NCOA7: variants seen among roughly 807,000 people sequenced by gnomAD.
The protein encoded by NCOA7 is nuclear receptor coactivator 7.
In NCOA7, 45 loss-of-function variants were observed where a neutral mutation model predicts 104.3. The observed-to-expected ratio is 0.43, with a 90% CI of 0.34 to 0.55. The LOEUF is 0.55. Ranked by LOEUF, NCOA7 falls within the 20% of genes least tolerant of loss-of-function variation. The pLI is 0.02. For synonymous variants in NCOA7, 398 were observed against 402.3 expected, an observed-to-expected ratio of 0.99 and a Z score of 0.13; for missense variants, 1,041 against 1,119.7, an observed-to-expected ratio of 0.93 and a Z score of 1.00.
Position 125,931,022 on chromosome 6 carries a change from A to T in NCOA7, c.*2251A>T, listed in dbSNP as rs755466392. 1.3e-5 allele frequency: 2 copies of T among 152,670 alleles called. No homozygotes were observed. Among genetic ancestry groups the T allele is most frequent in the Non-Finnish European group, 2.9e-5 (2 of 68,032 alleles). The allele number at this position is 152,670 out of a possible 1,614,324, so 9.5% of individuals were successfully genotyped here. A position where few individuals can be genotyped will look rare whatever the true frequency, so the allele number is the denominator to read the frequency against. ...ATGTAAAACAGTATTGTCCATTCAGAAATGTGTGACCCTTCATTTATGGAT... is the reference window on the plus strand; with the variant it reads ...ATGTAAAACAGTATTGTCCATTCAGTAATGTGTGACCCTTCATTTATGGAT... On this transcript the variant is annotated 3_prime_UTR_variant, in exon 16 of 16. Coordinates refer to ENST00000392477, the MANE Select transcript of NCOA7 (RefSeq NM_181782.5).
At chr6:125,845,392 TTTG>T (rs1472119251) in intron 2 of NCOA7, among the ~76,000 whole-genome samples, 2 of 152,188 alleles carry the variant, frequency 1.3e-5, no homozygotes, top group East Asian at 3.8e-4. Flanking sequence ...GATATTTAAT[TTTG>T]TTGTTGTTTG....
chr6:125,824,997 T>G (rs1778543275), intron 2 of NCOA7, among the ~76,000 whole-genome samples: 1 of 152,036 alleles, frequency 6.6e-6, no homozygotes, highest in African/African-American at 2.4e-5. Context: ...GATCAAGCCA[T>G]TGTACTCCAG....
chr6:125,928,860 C>G lies in NCOA7; in HGVS notation c.*89C>G, dbSNP rs963109281. 7.2e-7 allele frequency: 1 copy of G among 1,385,788 alleles called. No homozygotes were observed. The highest frequency in any genetic ancestry group is 9.8e-7 in the Non-Finnish European group (1 of 1,025,310). The allele number at this position is 1,385,788 out of a possible 1,614,324, so 85.8% of individuals were successfully genotyped here. On this transcript the variant is annotated 3_prime_UTR_variant, in exon 16 of 16. Coordinates refer to ENST00000392477, the MANE Select transcript of NCOA7 (RefSeq NM_181782.5). ...GCTGGAAAAAGAAGCCCCAGCCCAGCCTGCCTCATCCCACCCCAATGCTTC... is the reference window on the plus strand; with the variant it reads ...GCTGGAAAAAGAAGCCCCAGCCCAGGCTGCCTCATCCCACCCCAATGCTTC...
At chr6:125,856,436 T>G (rs982396167) in intron 3 of NCOA7, among the ~76,000 whole-genome samples, 1 of 152,112 alleles carries the variant, frequency 6.6e-6, no homozygotes, top group Non-Finnish European at 1.5e-5. Context: ...CACTGTAAGC[T>G]CTGCCTCCCG....
Position 125,925,675 on chromosome 6 carries a change from T to TA in NCOA7, c.2524-1987dup, listed in dbSNP as rs1787960687. On this transcript the variant is annotated intron_variant, in intron 13 of 15. Coordinates refer to ENST00000392477, the MANE Select transcript of NCOA7 (RefSeq NM_181782.5). ...CAATAGATTGTTATGATTACTATGT[T>TA]ACATAATTTTATGTCTGCTAAGGAA... Among the ~76,000 whole-genome samples, 3 of 152,220 alleles carry TA rather than the reference T, an allele frequency of 2.0e-5. No homozygotes were observed. The South Asian group carries it at 6.2e-4, about 32-fold the overall frequency.
intron 2 of NCOA7, among the ~76,000 whole-genome samples, chr6:125,840,393 C>G (rs1032125181): frequency 6.6e-6 from 1 of 151,928 alleles, no homozygotes; most frequent in South Asian, 2.1e-4. Context: ...TTAGTGCAGC[C>G]TAAGTATACA....
At chr6:125,839,591 G>A (rs1779945814) in intron 2 of NCOA7, among the ~76,000 whole-genome samples, 1 of 152,078 alleles carries the variant, frequency 6.6e-6, no homozygotes, top group Non-Finnish European at 1.5e-5. Flanking sequence ...GTCATCTCAT[G>A]AGAATACAAA....
intron 1 of NCOA7, chr6:125,796,817 G>C (rs549485575): frequency 7.9e-5 from 12 of 152,202 alleles, no homozygotes; most frequent in African/African-American, 2.9e-4. Flanking sequence ...ACCAAGCCTG[G>C]CTAATTTTTG....
intron 15 of NCOA7, 69 bp downstream of exon 15, chr6:125,928,316 C>T: frequency 7.2e-7 from 1 of 1,397,376 alleles, no homozygotes; most frequent in Non-Finnish European, 9.9e-7. Flanking sequence ...TCTGTTTTGA[C>T]CTACGTAGTT....
chr6:125,879,474 G>A lies in NCOA7; in HGVS notation c.459+1104G>A, dbSNP rs1783642515. Among the ~76,000 whole-genome samples the A allele has an allele frequency of 4.6e-5, 7 of 152,118 alleles. No homozygotes were observed. The South Asian group carries it at 1.5e-3, about 32-fold the overall frequency. ...TTAATGAGTGGTTACCAGTTTTGGT[G>A]CATATATTTTTAGTAGTTATCAGTC... On this transcript the variant is annotated intron_variant, in intron 5 of 15. Coordinates refer to ENST00000392477, the MANE Select transcript of NCOA7 (RefSeq NM_181782.5).
chr6:125,898,099 T>G (rs1215284283), intron 10 of NCOA7, among the ~76,000 whole-genome samples: 6 of 152,214 alleles, frequency 3.9e-5, no homozygotes, highest in Non-Finnish European at 7.3e-5. Context: ...ATAGTCAGGA[T>G]TTTTCAACTC....
At chr6:125,823,537 A>T (rs957326303) in intron 2 of NCOA7, among the ~76,000 whole-genome samples, 5 of 152,192 alleles carry the variant, frequency 3.3e-5, no homozygotes, top group South Asian at 4.1e-4. Flanking sequence ...TTGAGTTCAG[A>T]CCAGGCAACT....
chr6:125,928,314 G>T (rs1788217069), intron 15 of NCOA7, 67 bp downstream of exon 15: 1 of 1,399,000 alleles, frequency 7.1e-7, no homozygotes, highest in South Asian at 1.3e-5. Flanking sequence ...GGTCTGTTTT[G>T]ACCTACGTAG....
intron 1 of NCOA7, among the ~76,000 whole-genome samples, chr6:125,806,238 G>C (rs902806524): frequency 2.6e-5 from 4 of 152,174 alleles, no homozygotes; most frequent in Non-Finnish European, 5.9e-5. Flanking sequence ...CTACTTGGGA[G>C]GCTGAGGCAG....
At position 125,875,011 on chromosome 6, in the gene NCOA7, A is replaced by T. The variant is rs112707741; in HGVS notation, c.351+43A>T. 7.4e-4 allele frequency: 1,037 copies of T among 1,401,020 alleles called. 6 individuals carry two copies. The African/African-American group carries it at 0.013, about 17-fold the overall frequency. The allele number at this position is 1,401,020 out of a possible 1,614,324, so 86.8% of individuals were successfully genotyped here. On this transcript the variant is annotated intron_variant, in intron 4 of 15. Coordinates refer to ENST00000392477, the MANE Select transcript of NCOA7 (RefSeq NM_181782.5). ...GGTATAAATGTTTGTTAATAGCACT[A>T]CATTTATATAATGGTTTTCCCTGAC...
At chr6:125,879,484 T>C (rs1474119110) in intron 5 of NCOA7, among the ~76,000 whole-genome samples, 2 of 152,214 alleles carry the variant, frequency 1.3e-5, no homozygotes, top group Non-Finnish European at 2.9e-5. Flanking sequence ...GCATATATTT[T>C]TAGTAGTTAT....
In NCOA7 at chr6:125,931,906, C is replaced by T. The variant is rs1788481420; in HGVS notation, c.*3135C>T. 1 of 152,090 alleles carries T rather than the reference C, an allele frequency of 6.6e-6. No individual in the cohort carries two copies. The allele number at this position is 152,090 out of a possible 1,614,324, so 9.4% of individuals were successfully genotyped here. On this transcript the variant is annotated 3_prime_UTR_variant, in exon 16 of 16. Coordinates refer to ENST00000392477, the MANE Select transcript of NCOA7 (RefSeq NM_181782.5). Reference sequence around the variant, plus strand: ...AAATGTTTGGCAGTTCCACCCTCACCCTCTCTTCTGCTGCCATGTAAGATG... The same window carrying T: ...AAATGTTTGGCAGTTCCACCCTCACTCTCTCTTCTGCTGCCATGTAAGATG...
intron 2 of NCOA7, among the ~76,000 whole-genome samples, chr6:125,817,061 A>G (rs1777658256): frequency 6.6e-6 from 1 of 152,204 alleles, no homozygotes; most frequent in Non-Finnish European, 1.5e-5. Flanking sequence ...CTCCCTTGAC[A>G]TCCCTCAAAG....
intron 3 of NCOA7, among the ~76,000 whole-genome samples, chr6:125,871,575 A>G (rs1034799801): frequency 1.1e-4 from 16 of 152,218 alleles, no homozygotes; most frequent in African/African-American, 3.9e-4. Context: ...AAAACATAGT[A>G]TTTGCCTTGT....
Sources: gnomAD v4.1 joint callset for allele counts (sites outside exome capture counted in the v4.1 genomes callset) on GRCh38, gnomAD v4.1.1 for gene constraint, MANE v1.5 for transcripts, NCBI Gene and HGNC (gene_info 2026-07-23, HGNC 2026-07-21) for gene names.